The following TENM3 variants were observed in gnomAD, a reference collection of about 807,000 sequenced individuals.
The protein encoded by TENM3 is teneurin-3.
TENM3 carries 63 observed loss-of-function variants against 255.1 expected under a neutral mutation model. The observed-to-expected ratio is 0.25, with a 90% CI of 0.20 to 0.30. The LOEUF (loss-of-function observed/expected upper bound fraction) is 0.30, where lower values mean the gene tolerates loss of function less well. TENM3 is among the 10% of genes least tolerant of loss of function. The pLI, the probability that TENM3 is intolerant of heterozygous loss-of-function variation, is 1.00. For synonymous variants in TENM3, 1,306 were observed against 1,322.3 expected (o/e 0.99, Z 0.27); for missense variants, 2,929 against 3,461.1 (o/e 0.85, Z 3.86).
At chr4:182,573,182 C>T (rs1744579921) in intron 3 of TENM3, among the ~76,000 whole-genome samples, 3 of 152,120 alleles carry the variant, frequency 2.0e-5, no homozygotes, top group East Asian at 1.9e-4. Flanking sequence ...ACTCCAGAGG[C>T]GTCACTTAGG....
intron 4 of TENM3, among the ~76,000 whole-genome samples, chr4:182,623,012 T>TC (rs1349629313): frequency 3.0e-5 from 3 of 100,922 alleles, no homozygotes; most frequent in African/African-American, 7.8e-5. Context: ...ACAGAGTCTC[T>TC]TTTTTTTTTT....
chr4:181,556,664 T>A, the TENM3 span, among the ~76,000 whole-genome samples: 10 of 152,224 alleles, frequency 6.6e-5, no homozygotes, highest in East Asian at 1.9e-3. Flanking sequence ...TTCTTTGTTT[T>A]ACTACCTGCA....
intron 24 of TENM3, among the ~76,000 whole-genome samples, chr4:182,777,275 C>A (rs866247680): frequency 6.6e-6 from 1 of 152,246 alleles, no homozygotes; most frequent in Middle Eastern, 3.4e-3. Context: ...CTAAATTTAG[C>A]TATGTGCCTG....
At chr4:182,114,485 G>T in the TENM3 span, among the ~76,000 whole-genome samples, 17 of 149,708 alleles carry the variant, frequency 1.1e-4, no homozygotes, top group African/African-American at 2.5e-4. Flanking sequence ...TTTCTTCTTC[G>T]CCACAATCCA....
At chr4:182,184,493 GTTTTTTTTT>G (rs3071525) in intron 1 of TENM3, among the ~76,000 whole-genome samples, 8 of 126,460 alleles carry the variant, frequency 6.3e-5, no homozygotes, top group South Asian at 2.6e-4. Flanking sequence ...GCATGGTTGA[GTTTTTTTTT>G]TTTTTTTTTT....
upstream of TENM3, among the ~76,000 whole-genome samples, chr4:182,139,841 A>C (rs746318974): frequency 1.3e-5 from 2 of 152,356 alleles, no homozygotes; most frequent in South Asian, 2.1e-4. Context: ...CCCGGTTTAC[A>C]CCATGGAATA....
the TENM3 span, among the ~76,000 whole-genome samples, chr4:181,874,763 C>T: frequency 1.3e-5 from 2 of 152,186 alleles, no homozygotes; most frequent in Non-Finnish European, 2.9e-5. Context: ...CCAGATGCTA[C>T]AGCAGCCCCG....
At chr4:181,999,171 T>C in the TENM3 span, among the ~76,000 whole-genome samples, 1 of 152,138 alleles carries the variant, frequency 6.6e-6, no homozygotes, top group Non-Finnish European at 1.5e-5. Flanking sequence ...CATCCTTCTG[T>C]TACAGGATAT....
At chr4:182,259,258 A>G (rs145412557) in intron 1 of TENM3, among the ~76,000 whole-genome samples, 1 of 152,308 alleles carries the variant, frequency 6.6e-6, no homozygotes, top group East Asian at 1.9e-4. Context: ...ACCTCAGGGA[A>G]CAGCTTTCAT....
the TENM3 span, among the ~76,000 whole-genome samples, chr4:181,538,613 A>G: frequency 5.9e-5 from 9 of 152,150 alleles, no homozygotes; most frequent in Admixed American, 5.9e-4. Flanking sequence ...CTATGAGACT[A>G]TGGGGCAGGT....
At chr4:181,835,930 G>A in the TENM3 span, among the ~76,000 whole-genome samples, 17 of 151,948 alleles carry the variant, frequency 1.1e-4, no homozygotes, top group Non-Finnish European at 2.9e-5. Flanking sequence ...TATTCTAGGT[G>A]ATCCCAAACC....
chr4:182,748,245 T>C (rs1347166576), intron 19 of TENM3, among the ~76,000 whole-genome samples: 3 of 152,220 alleles, frequency 2.0e-5, no homozygotes, highest in Non-Finnish European at 2.9e-5. Context: ...TTAGTCAAAA[T>C]TGTAATATTT....
the TENM3 span, among the ~76,000 whole-genome samples, chr4:181,603,266 G>C: frequency 5.9e-5 from 9 of 152,142 alleles, no homozygotes; most frequent in African/African-American, 2.2e-4. Flanking sequence ...CGTGAATCTT[G>C]AGAGCAGAAA....
chr4:181,604,544 G>A, the TENM3 span, among the ~76,000 whole-genome samples: 1 of 152,050 alleles, frequency 6.6e-6, no homozygotes, highest in Non-Finnish European at 1.5e-5. Flanking sequence ...TGCGTTCCTC[G>A]GGGCCACTGG....
chr4:182,726,664 G>C (rs6838930), intron 13 of TENM3, among the ~76,000 whole-genome samples: 12,542 of 152,256 alleles, frequency 0.082, 793 homozygotes, highest in African/African-American at 0.17. Context: ...CAAACGAAAA[G>C]TTTCATCTGT....
At position 182,793,623 on chromosome 4, in the gene TENM3, G is replaced by T; in HGVS notation, c.6951G>T (p.Gln2317His). 6.2e-7 allele frequency: 1 copy of T among 1,613,996 alleles called. No individual in the cohort carries two copies. The highest frequency in any genetic ancestry group is 8.5e-7 in the Non-Finnish European group (1 of 1,179,886). ...ATGGGCTTATGCTGAAACAGATTCA[G>T]TACACTGCATATGGGGAAATCTATT... Reference protein sequence around the residue: ...SSNGLMLKQIQYTAYGEIYFD... With the variant: ...SSNGLMLKQIHYTAYGEIYFD... The change falls in exon 26 of 28, where the codon CAG (glutamine) becomes CAT (histidine). Residue 2317 changes from glutamine (Q) to histidine (H), a missense_variant. Coordinates refer to ENST00000511685, the MANE Select transcript of TENM3 (RefSeq NM_001080477.4). This position sits in a 1 kb window ranked among gnomAD's most constrained non-coding sequence, Gnocchi z 5.7.
chr4:182,653,760 T>C lies in TENM3; in HGVS notation c.989-11T>C. On this transcript the variant is annotated splice_polypyrimidine_tract_variant and intron_variant, in intron 5 of 27. Transcript: ENST00000511685. Reference sequence around the variant, plus strand: ...GCAGATCTTTAAACAACTTGTGTTCTTTACCCCCAGCAATGCATCTCTTTG... The same window carrying C: ...GCAGATCTTTAAACAACTTGTGTTCCTTACCCCCAGCAATGCATCTCTTTG... 1 of 1,602,578 alleles carries C rather than the reference T, an allele frequency of 6.2e-7. No individual in the cohort carries two copies. The highest frequency in any genetic ancestry group is 2.3e-5 in the East Asian group (1 of 44,218).
chr4:181,661,300 C>A, the TENM3 span, among the ~76,000 whole-genome samples: 1 of 152,210 alleles, frequency 6.6e-6, no homozygotes, highest in East Asian at 1.9e-4. Flanking sequence ...TTATTCATCT[C>A]ATTTCATCAT....
chr4:181,487,781 TGCCGCATTA>T, the TENM3 span, among the ~76,000 whole-genome samples: 1 of 152,112 alleles, frequency 6.6e-6, no homozygotes, highest in African/African-American at 2.4e-5. Flanking sequence ...TGGGTGGTCC[TGCCGCATTA>T]GATCCAGACC....
Sources: allele counts gnomAD v4.1 joint callset (sites outside exome capture counted in the v4.1 genomes callset), GRCh38; gene constraint gnomAD v4.1.1; non-coding constraint Gnocchi (gnomAD v3.1); transcripts MANE v1.5; gene names NCBI Gene and HGNC (gene_info 2026-07-23, HGNC 2026-07-21).